Variants in SYBU observed in about 807,000 individuals in gnomAD.
SYBU encodes the protein syntabulin, also known as GOLSYN A protein.
In SYBU, 21 loss-of-function variants were observed where a neutral mutation model predicts 35.9. The observed-to-expected ratio is 0.58, with a 90% confidence interval of 0.41 to 0.84. The LOEUF is 0.84. Among genes scored for constraint, SYBU ranks in the 40% least tolerant of loss-of-function variants. SYBU has a pLI of 0.00. For synonymous variants in SYBU, 319 were observed against 324.3 expected, an observed-to-expected ratio of 0.98 and a Z score of 0.18; for missense variants, 768 against 848.2, an observed-to-expected ratio of 0.91 and a Z score of 1.17.
intron 1 of SYBU, among the ~76,000 whole-genome samples, chr8:109,687,356 C>T (rs79265364): frequency 1.3e-5 from 2 of 152,290 alleles, no homozygotes; most frequent in Non-Finnish European, 2.9e-5. Flanking sequence ...AGTCATGTCA[C>T]TAGCTTCTCT....
chr8:109,640,633 G>A lies in SYBU; in HGVS notation c.229+2095C>T, dbSNP rs565985675. ...GAATACTAACTGTGATAGCTTCTCA[G>A]TTATCCTTTTGTTTTCTTCTTGGGG... On this transcript the variant is annotated intron_variant, in intron 2 of 6. Coordinates refer to ENST00000276646, the MANE Select transcript of SYBU (RefSeq NM_001099754.2). Among the ~76,000 whole-genome samples the A allele has an allele frequency of 7.9e-5, 12 of 152,202 alleles. No homozygotes were observed. In the East Asian group the frequency reaches 2.3e-3, roughly 29 times the overall value.
In SYBU at chr8:109,574,315, A is replaced by C. The variant is rs1479823093; in HGVS notation, c.*591T>G. 1 of 152,666 alleles carries C rather than the reference A, an allele frequency of 6.6e-6. No homozygotes were observed. The highest frequency in any genetic ancestry group is 1.5e-5 in the Non-Finnish European group (1 of 68,042). 9.5% of individuals were successfully genotyped at this position (152,666 alleles called of 1,614,324 possible). ...AAATAAGTTAGTACATTGTAAACTT[A>C]TGCACAGTTTCATCAATTAACAGTT... is the stretch of plus-strand genomic sequence containing the variant. On this transcript the variant is annotated 3_prime_UTR_variant, in exon 7 of 7. Transcript: ENST00000276646.
chr8:109,666,180 A>G (rs995277571), intron 1 of SYBU, among the ~76,000 whole-genome samples: 1 of 152,194 alleles, frequency 6.6e-6, no homozygotes, highest in Non-Finnish European at 1.5e-5. Context: ...ACCAACGTGG[A>G]TGTGGATTAG....
intron 1 of SYBU, among the ~76,000 whole-genome samples, chr8:109,675,394 C>T (rs1817150635): frequency 6.6e-6 from 1 of 151,776 alleles, no homozygotes; most frequent in Admixed American, 6.6e-5. Context: ...GACTGCTAGC[C>T]AGACTAATAA....
intron 1 of SYBU, among the ~76,000 whole-genome samples, chr8:109,688,767 C>G (rs1330878893): frequency 2.1e-5 from 3 of 143,530 alleles, no homozygotes; most frequent in South Asian, 4.6e-4. Context: ...TATTTTTACA[C>G]AGATAAAAAA....
In SYBU at chr8:109,574,404, A is replaced by G. The variant is rs191883053; in HGVS notation, c.*502T>C. ...TTAGTAAAAAATTGCAAACACTCAA[A>G]TCTTATCAACCCCAAGTAAGACAGT... On this transcript the variant is annotated 3_prime_UTR_variant, in exon 7 of 7. Coordinates refer to ENST00000276646, the MANE Select transcript of SYBU (RefSeq NM_001099754.2). The G allele has an allele frequency of 6.5e-6, 1 of 153,018 alleles. No individual in the cohort carries two copies. The highest frequency in any genetic ancestry group is 6.5e-5 in the Admixed American group (1 of 15,302). The allele number at this position is 153,018 out of a possible 1,614,324, so 9.5% of individuals were successfully genotyped here.
At chr8:109,686,640 A>C (rs888616768) in intron 1 of SYBU, among the ~76,000 whole-genome samples, 1 of 152,220 alleles carries the variant, frequency 6.6e-6, no homozygotes, top group African/African-American at 2.4e-5. Flanking sequence ...CTTCATTTAT[A>C]CTACCAAAGA....
At chr8:109,646,051 G>C (rs1411664515), upstream of SYBU, 1 of 152,230 alleles carries the variant, frequency 6.6e-6, no homozygotes, top group African/African-American at 2.4e-5. Flanking sequence ...ACACAAATTT[G>C]TTTAAGAAAG....
intron 1 of SYBU, among the ~76,000 whole-genome samples, chr8:109,652,644 T>A (rs1046652275): frequency 3.3e-5 from 5 of 151,878 alleles, no homozygotes; most frequent in African/African-American, 7.2e-5. Flanking sequence ...GTTCATGAAA[T>A]TTTTTTTTGA....
intron 4 of SYBU, among the ~76,000 whole-genome samples, chr8:109,581,516 C>T (rs1203061587): frequency 6.6e-6 from 1 of 152,154 alleles, no homozygotes; most frequent in Non-Finnish European, 1.5e-5. Context: ...ATTTGACACC[C>T]AGTAGTGTAA....
At chr8:109,636,676 G>C (rs1009179274) in intron 2 of SYBU, among the ~76,000 whole-genome samples, 2 of 151,956 alleles carry the variant, frequency 1.3e-5, no homozygotes, top group African/African-American at 4.8e-5. Context: ...TCCCCTTTTG[G>C]CGTAACCCCA....
chr8:109,642,698 G>T (rs1008062393), intron 2 of SYBU, 30 bp downstream of exon 2: 2 of 1,509,080 alleles, frequency 1.3e-6, no homozygotes, highest in Non-Finnish European at 1.8e-6. Flanking sequence ...CACGCTTCAC[G>T]CCTCTGGTGG....
rs988268978 is a variant in SYBU, at chr8:109,691,136, A to C, written c.-58+197T>G. Among the ~76,000 whole-genome samples the C allele has an allele frequency of 6.6e-6, 1 of 152,140 alleles. No homozygotes were observed. The highest frequency in any genetic ancestry group is 1.5e-5 in the Non-Finnish European group (1 of 68,010). ...CCTTTCCCTTGGCCTCCATGTGCTGAGAGTGCCCTTGATTCCCCATTTTCC... is the reference window on the plus strand; with the variant it reads ...CCTTTCCCTTGGCCTCCATGTGCTGCGAGTGCCCTTGATTCCCCATTTTCC... On this transcript the variant is annotated intron_variant, in intron 1 of 7. Coordinates refer to the SYBU transcript ENST00000422135. The surrounding 1 kb of genome is among the most constrained non-coding windows in gnomAD (Gnocchi z 4.7).
chr8:109,626,794 C>T (rs1586873416), intron 2 of SYBU, among the ~76,000 whole-genome samples: 1 of 152,282 alleles, frequency 6.6e-6, no homozygotes, highest in East Asian at 1.9e-4. Context: ...CCTGTAGTCC[C>T]AGCGGAGGTT....
intron 6 of SYBU, among the ~76,000 whole-genome samples, chr8:109,576,634 A>G (rs1822354482): frequency 6.6e-6 from 1 of 152,224 alleles, no homozygotes; most frequent in East Asian, 1.9e-4. Context: ...GGGACTTTAC[A>G]TGATGACAAG....
At chr8:109,613,171 T>C (rs1035796712) in intron 3 of SYBU, among the ~76,000 whole-genome samples, 9 of 152,196 alleles carry the variant, frequency 5.9e-5, no homozygotes, top group African/African-American at 2.2e-4. Flanking sequence ...TCTCCTTTTA[T>C]GTGACATGGG....
At chr8:109,654,167 T>C (rs1219355311) in intron 1 of SYBU, among the ~76,000 whole-genome samples, 1 of 152,190 alleles carries the variant, frequency 6.6e-6, no homozygotes, top group Non-Finnish European at 1.5e-5. Context: ...ATATTTCTAG[T>C]ACAACCTGAT....
At chr8:109,617,400 T>C (rs1399877102) in intron 3 of SYBU, among the ~76,000 whole-genome samples, 1 of 152,170 alleles carries the variant, frequency 6.6e-6, no homozygotes, top group Non-Finnish European at 1.5e-5. Context: ...AATTAGTAAA[T>C]GGTGATGTTT....
chr8:109,682,897 G>C (rs1587001653), upstream of SYBU, among the ~76,000 whole-genome samples: 2 of 152,214 alleles, frequency 1.3e-5, no homozygotes, highest in African/African-American at 4.8e-5. Context: ...AAGGGGCTAA[G>C]GTACAGCTCT....
Sources: allele counts gnomAD v4.1 joint callset (sites outside exome capture counted in the v4.1 genomes callset), GRCh38; gene constraint gnomAD v4.1.1; non-coding constraint Gnocchi (gnomAD v3.1); transcripts MANE v1.5; gene names NCBI Gene and HGNC (gene_info 2026-07-23, HGNC 2026-07-21).